Variants in ROR1 observed in about 807,000 individuals in gnomAD.
ROR1 encodes inactive tyrosine-protein kinase transmembrane receptor ROR1.
Under a neutral mutation model 78.8 loss-of-function variants are expected in ROR1, and 19 were observed. The ratio of observed to expected loss-of-function variants is 0.24; its 90% CI spans 0.17 to 0.35. The LOEUF (loss-of-function observed/expected upper bound fraction) is 0.35, where lower values mean the gene tolerates loss of function less well. Among genes scored for constraint, ROR1 ranks in the 10% least tolerant of loss-of-function variants. The probability of loss-of-function intolerance (pLI) is 1.00; values close to 1 mark genes in which losing one functional copy is unlikely to be tolerated. For synonymous variants in ROR1, 386 were observed against 433.6 expected, an observed-to-expected ratio of 0.89 and a Z score of 1.36; for missense variants, 917 against 1,177.8, an observed-to-expected ratio of 0.78 and a Z score of 3.24.
chr1:63,799,126 C>A (rs1256242055), intron 1 of ROR1, among the ~76,000 whole-genome samples: 1 of 152,092 alleles, frequency 6.6e-6, no homozygotes, highest in Non-Finnish European at 1.5e-5. Flanking sequence ...TCATGTCTAC[C>A]TTAAAAGGCT....
rs1649868451 is a variant in ROR1 at position 64,159,295 on chromosome 1, G to A, written c.1386+103G>A. On this transcript the variant is annotated intron_variant, in intron 8 of 8. Transcript: ENST00000371079. Reference sequence around the variant, plus strand: ...GGAAATCGAATGATATGGAATCAGAGTTTTATAAGTGCTAAGGTTCATTTT... The same window carrying A: ...GGAAATCGAATGATATGGAATCAGAATTTTATAAGTGCTAAGGTTCATTTT... 3.4e-6 allele frequency: 3 copies of A among 883,260 alleles called. No homozygotes were observed. The African/African-American group carries it at 5.0e-5, about 15-fold the overall frequency. 54.7% of individuals were successfully genotyped at this position (883,260 alleles called of 1,614,324 possible). A position where few individuals can be genotyped will look rare whatever the true frequency, so the allele number is the denominator to read the frequency against.
intron 1 of ROR1, among the ~76,000 whole-genome samples, chr1:63,813,162 C>A (rs1051378417): frequency 2.6e-5 from 4 of 152,038 alleles, no homozygotes; most frequent in African/African-American, 9.7e-5. Flanking sequence ...TTAAAAAATT[C>A]TCTTCCTTAA....
Position 64,069,012 on chromosome 1 carries a change from C to A in ROR1, c.482+18296C>A, listed in dbSNP as rs548176883. On this transcript the variant is annotated intron_variant, in intron 4 of 8. Coordinates refer to ENST00000371079, the MANE Select transcript of ROR1 (RefSeq NM_005012.4). ...TAAATAATAGCTAAAATAATTATTT[C>A]TTTTACCATCTCTGTATCTGAAAGT... 4.6e-5 allele frequency among the ~76,000 whole-genome samples: 7 copies of A among 152,008 alleles called. No individual in the cohort carries two copies. The South Asian group carries it at 1.0e-3, about 23-fold the overall frequency.
At chr1:63,830,921 A>AT (rs1373410311) in intron 1 of ROR1, among the ~76,000 whole-genome samples, 2 of 152,240 alleles carry the variant, frequency 1.3e-5, no homozygotes, top group Non-Finnish European at 2.9e-5. Context: ...AATAGGAGAA[A>AT]TTGGTCAAAA....
intron 4 of ROR1, among the ~76,000 whole-genome samples, chr1:64,119,867 A>G (rs1479613833): frequency 6.6e-6 from 1 of 152,016 alleles, no homozygotes; most frequent in East Asian, 1.9e-4. Flanking sequence ...TAGGATTTGA[A>G]CTCTGGTTTA....
At chr1:64,163,007 T>G (rs1378932373) in intron 8 of ROR1, among the ~76,000 whole-genome samples, 1 of 152,066 alleles carries the variant, frequency 6.6e-6, no homozygotes. Flanking sequence ...GAGTCTCCCC[T>G]TCAAGAACAG....
intron 1 of ROR1, among the ~76,000 whole-genome samples, chr1:63,885,953 A>G (rs1645353872): frequency 6.6e-6 from 1 of 152,180 alleles, no homozygotes; most frequent in African/African-American, 2.4e-5. Flanking sequence ...TGAAATAATT[A>G]CACAACTCAC....
intron 8 of ROR1, among the ~76,000 whole-genome samples, chr1:64,173,081 A>C (rs1222177977): frequency 6.6e-6 from 1 of 152,198 alleles, no homozygotes; most frequent in East Asian, 1.9e-4. Flanking sequence ...AAGTAACTTG[A>C]GCACCTTAAA....
chr1:64,118,715 A>C (rs2100684265), intron 4 of ROR1, among the ~76,000 whole-genome samples: 1 of 152,056 alleles, frequency 6.6e-6, no homozygotes, highest in East Asian at 1.9e-4. Flanking sequence ...TCAAGGGGAA[A>C]ATGAGGAGGC....
intron 4 of ROR1, among the ~76,000 whole-genome samples, chr1:64,071,113 G>A (rs1647000020): frequency 6.6e-6 from 1 of 152,186 alleles, no homozygotes; most frequent in Non-Finnish European, 1.5e-5. Flanking sequence ...TTGGATGAGC[G>A]AGTTGTGGGA....
intron 1 of ROR1, among the ~76,000 whole-genome samples, chr1:63,806,498 T>TTA (rs1644830197): frequency 1.3e-5 from 2 of 152,196 alleles, no homozygotes; most frequent in South Asian, 4.1e-4. Context: ...TTTGTATTTT[T>TTA]AGTAGAGACG....
At chr1:63,992,762 G>A (rs1441784524) in intron 1 of ROR1, among the ~76,000 whole-genome samples, 1 of 152,170 alleles carries the variant, frequency 6.6e-6, no homozygotes, top group Non-Finnish European at 1.5e-5. Flanking sequence ...TTGTGAAAAT[G>A]TATAAATGTG....
chr1:63,782,450 A>G (rs115629372), intron 1 of ROR1, among the ~76,000 whole-genome samples: 1,771 of 150,160 alleles, frequency 0.012, 39 homozygotes, highest in African/African-American at 0.041. Flanking sequence ...AGAGCCTGAG[A>G]CTCTCCCTTA....
intron 1 of ROR1, among the ~76,000 whole-genome samples, chr1:63,891,795 G>A (rs1645398711): frequency 6.6e-6 from 1 of 152,028 alleles, no homozygotes; most frequent in Non-Finnish European, 1.5e-5. Flanking sequence ...TGGGCCTTTG[G>A]ACGCTGGGAC....
chr1:63,919,208 T>C (rs1367356422), intron 1 of ROR1, among the ~76,000 whole-genome samples: 1 of 152,172 alleles, frequency 6.6e-6, no homozygotes. Context: ...GTGCATTATA[T>C]TGACACATTG....
Position 64,032,974 on chromosome 1 carries a change from T to G in ROR1, c.164-16717T>G, listed in dbSNP as rs372282022. Among the ~76,000 whole-genome samples the G allele has an allele frequency of 7.2e-5, 11 of 152,144 alleles. 1 individual carries two copies. Among genetic ancestry groups the G allele is most frequent in the African/African-American group, 1.4e-4 (6 of 41,512 alleles). ...GCCAGGGATTGGGAGGAAAGGAGAATGGGGAGTTAGTCTTTAGTGGGCACG... is the reference window on the plus strand; with the variant it reads ...GCCAGGGATTGGGAGGAAAGGAGAAGGGGGAGTTAGTCTTTAGTGGGCACG... On this transcript the variant is annotated intron_variant, in intron 2 of 8. Coordinates refer to ENST00000371079, the MANE Select transcript of ROR1 (RefSeq NM_005012.4).
intron 1 of ROR1, among the ~76,000 whole-genome samples, chr1:63,909,949 C>G (rs773007370): frequency 4.6e-5 from 7 of 152,110 alleles, no homozygotes; most frequent in Admixed American, 1.3e-4. Flanking sequence ...TGCTTCCTGG[C>G]CTGGAAGTGT....
intron 1 of ROR1, among the ~76,000 whole-genome samples, chr1:64,000,796 C>T (rs1019843661): frequency 6.6e-6 from 1 of 152,192 alleles, no homozygotes; most frequent in Non-Finnish European, 1.5e-5. Flanking sequence ...TGGGATTCCT[C>T]CTCCCCAAAC....
intron 1 of ROR1, among the ~76,000 whole-genome samples, chr1:63,950,441 A>G (rs1045084924): frequency 3.9e-5 from 6 of 152,190 alleles, no homozygotes; most frequent in Non-Finnish European, 8.8e-5. Flanking sequence ...AAGTATGGTA[A>G]TGCATTATAA....
Sources: gnomAD v4.1 joint callset for allele counts (sites outside exome capture counted in the v4.1 genomes callset) on GRCh38, gnomAD v4.1.1 for gene constraint, MANE v1.5 for transcripts, NCBI Gene and HGNC (gene_info 2026-07-23, HGNC 2026-07-21) for gene names.